ARHGEF18: variants seen among roughly 807,000 people sequenced by gnomAD.
ARHGEF18 encodes the protein Rho/Rac guanine nucleotide exchange factor 18, also known as rho guanine nucleotide exchange factor 18.
ARHGEF18 carries 93 observed loss-of-function variants against 155.7 expected under a neutral mutation model. That is an observed-to-expected ratio of 0.60 (90% CI 0.50 to 0.71). The LOEUF (loss-of-function observed/expected upper bound fraction) is 0.71, where lower values mean the gene tolerates loss of function less well. Among genes scored for constraint, ARHGEF18 ranks in the 30% least tolerant of loss-of-function variants. ARHGEF18 has a pLI of 0.00. For missense variants in ARHGEF18, 1,593 were observed against 1,816.1 expected (o/e 0.88, Z 2.23); for synonymous variants, 742 against 753.1 (o/e 0.99, Z 0.24).
chr19:7,392,844 A>C (rs1420684607), intron 10 of ARHGEF18: 1 of 151,944 alleles, frequency 6.6e-6, no homozygotes, highest in African/African-American at 2.4e-5. Flanking sequence ...ACTTGAGCTC[A>C]GGAGTTCGAG....
intron 13 of ARHGEF18, among the ~76,000 whole-genome samples, chr19:7,443,616 G>T (rs868473531): frequency 6.6e-6 from 1 of 152,136 alleles, no homozygotes; most frequent in Admixed American, 6.5e-5. Flanking sequence ...TTCGAATTTC[G>T]ACATACGAAT....
At chr19:7,468,764 G>A in intron 26 of ARHGEF18, 61 bp from the exon 27 acceptor site, 1 of 1,463,366 alleles carries the variant, frequency 6.8e-7, no homozygotes, top group Middle Eastern at 2.3e-4. Context: ...ACCCTCGGGG[G>A]CTCTCCAGAG....
intron 10 of ARHGEF18, among the ~76,000 whole-genome samples, chr19:7,435,956 C>T (rs1312570935): frequency 6.6e-6 from 1 of 151,882 alleles, no homozygotes; most frequent in Non-Finnish European, 1.5e-5. Context: ...ACCTCAGCCT[C>T]CCAGGTAGCT....
chr19:7,351,927 T>C (rs759152628), intron 1 of ARHGEF18, among the ~76,000 whole-genome samples: 3 of 151,642 alleles, frequency 2.0e-5, no homozygotes, highest in Non-Finnish European at 2.9e-5. Context: ...ATTCCTGACC[T>C]CAGGTGATCC....
At chr19:7,351,014 G>A (rs1969144298) in intron 1 of ARHGEF18, among the ~76,000 whole-genome samples, 1 of 152,112 alleles carries the variant, frequency 6.6e-6, no homozygotes, top group Non-Finnish European at 1.5e-5. Context: ...ATATTGGTTA[G>A]GCTGGTCTTG....
At chr19:7,394,333 T>TC (rs1410581162) in intron 10 of ARHGEF18, among the ~76,000 whole-genome samples, 1 of 151,902 alleles carries the variant, frequency 6.6e-6, no homozygotes, top group Non-Finnish European at 1.5e-5. Flanking sequence ...GATGAAGTGA[T>TC]CCCCCCACCA....
chr19:7,408,493 T>G (rs1972475309), intron 10 of ARHGEF18, among the ~76,000 whole-genome samples: 1 of 152,216 alleles, frequency 6.6e-6, no homozygotes, highest in South Asian at 2.1e-4. Flanking sequence ...TTTACAGTTC[T>G]GTTTCTAGGG....
chr19:7,445,839 T>G (rs1160390557), intron 14 of ARHGEF18, among the ~76,000 whole-genome samples: 1 of 151,998 alleles, frequency 6.6e-6, no homozygotes, highest in African/African-American at 2.4e-5. Context: ...GCCAGGCTGG[T>G]CTTGAACTCT....
intron 14 of ARHGEF18, among the ~76,000 whole-genome samples, chr19:7,445,456 G>A (rs1421625024): frequency 6.6e-6 from 1 of 151,840 alleles, no homozygotes; most frequent in African/African-American, 2.4e-5. Context: ...TTGGGAGTGG[G>A]GGAAAGCATA....
chr19:7,440,293 G>C lies in ARHGEF18; in HGVS notation c.968-51G>C. On this transcript the variant is annotated intron_variant, in intron 10 of 28. Coordinates refer to ENST00000668164, the MANE Select transcript of ARHGEF18 (RefSeq NM_001367823.1). The surrounding 1 kb of genome is among the most constrained non-coding windows in gnomAD (Gnocchi z 5.4). ...CGGGGCTTCCGCGCCGGGGACCTCC[G>C]CTACCCGACCCACTTTCTCAGCACC... 2 of 1,581,324 alleles carry C rather than the reference G, an allele frequency of 1.3e-6. No homozygotes were observed. The highest frequency in any genetic ancestry group is 2.3e-5 in the South Asian group (2 of 87,460).
chr19:7,443,026 A>G (rs1157805825), intron 13 of ARHGEF18, among the ~76,000 whole-genome samples: 2 of 149,166 alleles, frequency 1.3e-5, no homozygotes, highest in Non-Finnish European at 3.0e-5. Flanking sequence ...AGTAGCTGAG[A>G]TGACAGTGCC....
chr19:7,473,726 C>T (rs58166924), downstream of ARHGEF18, among the ~76,000 whole-genome samples: 18,678 of 146,660 alleles, frequency 0.13, 1,249 homozygotes, highest in Admixed American at 0.18. Flanking sequence ...AGGAGAATGG[C>T]GTGAACCCAG....
At chr19:7,435,875 C>T (rs1221742270) in intron 10 of ARHGEF18, among the ~76,000 whole-genome samples, 1 of 152,096 alleles carries the variant, frequency 6.6e-6, no homozygotes, top group Admixed American at 6.6e-5. Flanking sequence ...GCTCTGTCAC[C>T]CAGGCTGGAG....
chr19:7,446,232 G>A (rs1974979125), intron 14 of ARHGEF18, among the ~76,000 whole-genome samples: 2 of 151,638 alleles, frequency 1.3e-5, no homozygotes, highest in Non-Finnish European at 2.9e-5. Context: ...GGTTAGCCAG[G>A]TGTGGTGGTG....
At position 7,463,952 on chromosome 19, in the gene ARHGEF18, A is replaced by C; in HGVS notation, c.2770A>C (p.Lys924Gln). 6.3e-7 allele frequency: 1 copy of C among 1,585,930 alleles called. No homozygotes were observed. Among genetic ancestry groups the C allele is most frequent in the Non-Finnish European group, 8.6e-7 (1 of 1,166,454 alleles). Residue 924 changes from lysine (K) to glutamine (Q), a missense_variant, in exon 22 of 29, where the codon AAG (lysine) becomes CAG (glutamine). Lys to Gln is a moderately conservative substitution (Grantham distance 53, BLOSUM62 1). Coordinates refer to ENST00000668164, the MANE Select transcript of ARHGEF18 (RefSeq NM_001367823.1). The surrounding 1 kb of genome is among the most constrained non-coding windows in gnomAD (Gnocchi z 5.2). ...CTACGACTGCACAAACAGCCCCACCAAGAGTAAGAGCGGGGCCGTCTCCCC... is the reference window on the plus strand; with the variant it reads ...CTACGACTGCACAAACAGCCCCACCCAGAGTAAGAGCGGGGCCGTCTCCCC... ...AGYDCTNSPT[K>Q]NGSFKKKVSS... is the part of the protein sequence containing the mutation.
chr19:7,442,424 G>A (rs1974721142), intron 13 of ARHGEF18, among the ~76,000 whole-genome samples: 1 of 151,846 alleles, frequency 6.6e-6, no homozygotes, highest in Non-Finnish European at 1.5e-5. Context: ...TGTAGAGTTG[G>A]GGGTCTCACC....
chr19:7,427,681 C>A (rs902644080), intron 10 of ARHGEF18, among the ~76,000 whole-genome samples: 1 of 150,812 alleles, frequency 6.6e-6, no homozygotes, highest in Admixed American at 6.6e-5. Flanking sequence ...CGCAGTGGCT[C>A]ACACCTGTAA....
intron 2 of ARHGEF18, among the ~76,000 whole-genome samples, chr19:7,365,670 G>A (rs1050677930): frequency 6.6e-6 from 1 of 152,182 alleles, no homozygotes; most frequent in Non-Finnish European, 1.5e-5. Flanking sequence ...TGGCAAATCT[G>A]CCCCCTCTTC....
intron 10 of ARHGEF18, among the ~76,000 whole-genome samples, chr19:7,434,016 T>G (rs1490884861): frequency 8.0e-6 from 1 of 125,334 alleles, no homozygotes; most frequent in Non-Finnish European, 1.6e-5. Context: ...GAGATCTGTC[T>G]CATTAAAAAA....
Sources: gnomAD v4.1 joint callset for allele counts (sites outside exome capture counted in the v4.1 genomes callset) on GRCh38, gnomAD v4.1.1 for gene constraint, Gnocchi (gnomAD v3.1) non-coding constraint, MANE v1.5 for transcripts, NCBI Gene and HGNC (gene_info 2026-07-23, HGNC 2026-07-21) for gene names.